XIRP2: variants seen among roughly 807,000 people sequenced by gnomAD.
XIRP2 encodes the protein xin actin binding repeat containing 2.
XIRP2 carries 236 observed loss-of-function variants against 277.0 expected under a neutral mutation model. The ratio of observed to expected loss-of-function variants is 0.85; its 90% CI spans 0.77 to 0.95. The LOEUF is 0.95. Among genes scored for constraint, XIRP2 ranks in the 40% least tolerant of loss-of-function variants. The probability of loss-of-function intolerance (pLI) is 0.00; values close to 1 mark genes in which losing one functional copy is unlikely to be tolerated. For synonymous variants in XIRP2, 1,490 were observed against 1,416.5 expected (o/e 1.05, Z -1.17); for missense variants, 4,640 against 4,157.5 (o/e 1.12, Z -3.19).
chr2:167,071,923 A>T (rs548649230), intron 2 of XIRP2, among the ~76,000 whole-genome samples: 44 of 152,296 alleles, frequency 2.9e-4, no homozygotes, highest in Non-Finnish European at 5.4e-4. Context: ...CCCAGCAGCT[A>T]GCATCACCCT....
At chr2:166,926,351 C>A (rs1685188704) in intron 2 of XIRP2, among the ~76,000 whole-genome samples, 1 of 152,028 alleles carries the variant, frequency 6.6e-6, no homozygotes, top group African/African-American at 2.4e-5. Flanking sequence ...TCTGTACCTC[C>A]ATTTCCACCT....
At chr2:166,969,544 T>G (rs1359576854) in intron 2 of XIRP2, among the ~76,000 whole-genome samples, 1 of 147,400 alleles carries the variant, frequency 6.8e-6, no homozygotes, top group Non-Finnish European at 1.5e-5. Flanking sequence ...GATATTACAA[T>G]AAAAAAAAAA....
intron 3 of XIRP2, among the ~76,000 whole-genome samples, chr2:167,169,111 G>T (rs75710300): frequency 0.018 from 2,701 of 152,248 alleles, 80 homozygotes; most frequent in African/African-American, 0.062. Context: ...TAGTGGTAAG[G>T]TGTTGGGGGA....
Position 166,979,240 on chromosome 2 carries a change from C to A in XIRP2, c.408+75350C>A, listed in dbSNP as rs527850196. Among the ~76,000 whole-genome samples the A allele has an allele frequency of 3.3e-5, 5 of 152,190 alleles. No homozygotes were observed. In the East Asian group the frequency reaches 7.7e-4, roughly 23 times the overall value. ...ATGAGTACCTGAATGAGAGAGAGAG[C>A]ATTTTCAATTGGCTCTAGGATACCG... On this transcript the variant is annotated intron_variant, in intron 2 of 10. Coordinates refer to ENST00000409195, the MANE Select transcript of XIRP2 (RefSeq NM_152381.6).
At chr2:167,026,345 G>A (rs1400447592) in intron 2 of XIRP2, among the ~76,000 whole-genome samples, 3 of 152,044 alleles carry the variant, frequency 2.0e-5, no homozygotes, top group Non-Finnish European at 4.4e-5. Context: ...GAGCCTATGT[G>A]TGTCTCTGCA....
intron 2 of XIRP2, among the ~76,000 whole-genome samples, chr2:167,114,832 C>A (rs1180800294): frequency 5.3e-5 from 8 of 152,012 alleles, no homozygotes; most frequent in Non-Finnish European, 8.8e-5. Context: ...CATTTTCTTA[C>A]TCAGTCTATC....
chr2:166,909,098 G>A (rs2105343263), intron 2 of XIRP2, among the ~76,000 whole-genome samples: 1 of 152,220 alleles, frequency 6.6e-6, no homozygotes, highest in Non-Finnish European at 1.5e-5. Context: ...TTGGCAATGT[G>A]GGCCCTTTTT....
Position 167,249,111 on chromosome 2 carries a change from T to C in XIRP2, c.7719T>C (p.Thr2573=), listed in dbSNP as rs201491458. ...GTTCTTACTACAACATTGTTAAAAC[T>C]CAAAGCCAAAATCAACACATAACAG... ...QESSYYNIVK[T]QSQNQHITEV... Residue 2573 remains threonine (T), a synonymous_variant, in exon 9 of 11, where the codon ACT becomes ACC. Coordinates refer to ENST00000409195, the MANE Select transcript of XIRP2 (RefSeq NM_152381.6). 265 of 1,613,508 alleles carry C rather than the reference T, an allele frequency of 1.6e-4. No individual in the cohort carries two copies. Among genetic ancestry groups the C allele is most frequent in the Middle Eastern group, 9.9e-4 (6 of 6,058 alleles).
intron 2 of XIRP2, among the ~76,000 whole-genome samples, chr2:167,011,942 G>A (rs929652543): frequency 2.7e-4 from 41 of 151,878 alleles, no homozygotes; most frequent in Admixed American, 9.2e-4. Flanking sequence ...TTTTTATTGT[G>A]TCTATTTGAT....
chr2:167,025,255 G>T (rs1376121345), intron 2 of XIRP2, among the ~76,000 whole-genome samples: 9 of 152,268 alleles, frequency 5.9e-5, no homozygotes, highest in African/African-American at 2.2e-4. Flanking sequence ...GGTGTTTGTA[G>T]TATTCTCTGA....
chr2:166,894,936 C>G (rs566726998), intron 1 of XIRP2, among the ~76,000 whole-genome samples: 1 of 152,158 alleles, frequency 6.6e-6, no homozygotes, highest in East Asian at 1.9e-4. Flanking sequence ...GCAGTCATGC[C>G]GTATGCTGAG....
At chr2:167,079,915 GTTTT>G (rs1689682101) in intron 2 of XIRP2, among the ~76,000 whole-genome samples, 1 of 151,142 alleles carries the variant, frequency 6.6e-6, no homozygotes, top group African/African-American at 2.4e-5. Flanking sequence ...TTTCATTTTT[GTTTT>G]TTGTTTTTTT....
At chr2:167,063,841 A>C (rs1689232777) in intron 2 of XIRP2, among the ~76,000 whole-genome samples, 1 of 151,678 alleles carries the variant, frequency 6.6e-6, no homozygotes, top group Non-Finnish European at 1.5e-5. Flanking sequence ...TTTTTTAAAC[A>C]ATATATAAAC....
chr2:167,022,101 C>G (rs1001316149), intron 2 of XIRP2, among the ~76,000 whole-genome samples: 2 of 152,092 alleles, frequency 1.3e-5, no homozygotes, highest in African/African-American at 4.8e-5. Context: ...CAAAGCAGCT[C>G]TAAAATCCCA....
chr2:167,183,385 T>C (rs1378945493), intron 3 of XIRP2, among the ~76,000 whole-genome samples: 1 of 152,180 alleles, frequency 6.6e-6, no homozygotes, highest in Non-Finnish European at 1.5e-5. Flanking sequence ...AGTTATATGA[T>C]TCAATAATAT....
intron 2 of XIRP2, among the ~76,000 whole-genome samples, chr2:166,951,009 A>C (rs1169864084): frequency 6.6e-6 from 1 of 152,076 alleles, no homozygotes; most frequent in East Asian, 1.9e-4. Context: ...CAAATAAAGG[A>C]GACAAAATAT....
chr2:166,928,637 T>C (rs1339345958), intron 2 of XIRP2, among the ~76,000 whole-genome samples: 2 of 152,166 alleles, frequency 1.3e-5, no homozygotes, highest in Non-Finnish European at 2.9e-5. Context: ...TAATTTCTTA[T>C]CTTAATTTCT....
intron 2 of XIRP2, among the ~76,000 whole-genome samples, chr2:167,128,683 T>A (rs1395733501): frequency 2.0e-5 from 3 of 151,920 alleles, no homozygotes; most frequent in Admixed American, 2.0e-4. Flanking sequence ...CTTGCAAGAG[T>A]TCTTGTTACC....
intron 2 of XIRP2, among the ~76,000 whole-genome samples, chr2:166,975,746 A>C (rs1686695966): frequency 6.6e-6 from 1 of 151,958 alleles, no homozygotes; most frequent in South Asian, 2.1e-4. Context: ...TAACACGGTG[A>C]AACCCCGTCT....
Sources: gnomAD v4.1 joint callset for allele counts (sites outside exome capture counted in the v4.1 genomes callset) on GRCh38, gnomAD v4.1.1 for gene constraint, MANE v1.5 for transcripts, NCBI Gene and HGNC (gene_info 2026-07-23, HGNC 2026-07-21) for gene names.